Variants in SNX8 observed in about 807,000 individuals in gnomAD.
SNX8 encodes sorting nexin-8.
In SNX8, 25 loss-of-function variants were observed where a neutral mutation model predicts 51.6. The ratio of observed to expected loss-of-function variants is 0.48; its 90% CI spans 0.35 to 0.68. The LOEUF is 0.68. Ranked by LOEUF, SNX8 falls within the 30% of genes least tolerant of loss-of-function variation. SNX8 has a pLI of 0.00. For missense variants in SNX8, 695 were observed against 624.0 expected (o/e 1.11, Z -1.21); for synonymous variants, 324 against 277.0 (o/e 1.17, Z -1.68).
intron 1 of SNX8, among the ~76,000 whole-genome samples, chr7:2,349,531 C>T (rs923290047): frequency 1.8e-4 from 27 of 146,954 alleles, no homozygotes; most frequent in African/African-American, 5.5e-4. Flanking sequence ...ATCTCTACCC[C>T]CACCCCATGT....
intron 1 of SNX8, among the ~76,000 whole-genome samples, chr7:2,308,790 T>G (rs1188384286): frequency 6.7e-6 from 1 of 149,662 alleles, no homozygotes. Context: ...ATTTTTTTTT[T>G]TTTTTTTTTT....
intron 1 of SNX8, among the ~76,000 whole-genome samples, chr7:2,341,414 G>A (rs566753481): frequency 1.9e-4 from 28 of 151,338 alleles, no homozygotes; most frequent in Admixed American, 1.3e-3. Flanking sequence ...CAGGAGAATC[G>A]CTAGAACCCA....
chr7:2,259,699 A>G (rs1422562068), intron 7 of SNX8, among the ~76,000 whole-genome samples: 2 of 151,968 alleles, frequency 1.3e-5, no homozygotes, highest in Admixed American at 6.6e-5. Flanking sequence ...AGTTTCTAAA[A>G]CTCTAGAGAG....
intron 7 of SNX8, among the ~76,000 whole-genome samples, chr7:2,262,082 G>A (rs140437410): frequency 2.8e-4 from 42 of 152,298 alleles, no homozygotes; most frequent in African/African-American, 9.1e-4. Context: ...CTGTCGCCCA[G>A]GCTGGTGTGC....
chr7:2,311,373 C>T lies in SNX8; in HGVS notation c.94+2955G>A, dbSNP rs113987140. ...TTCAGAGACTTAACTTTTTTCTTTG[C>T]TGTTTTTGTTTTTGTTTTCTTTTTT... is the stretch of plus-strand genomic sequence containing the variant. On this transcript the variant is annotated intron_variant, in intron 1 of 10. Coordinates refer to ENST00000222990, the MANE Select transcript of SNX8 (RefSeq NM_013321.4). 9.3e-3 allele frequency among the ~76,000 whole-genome samples: 1,422 copies of T among 152,278 alleles called. 19 individuals carry two copies. The highest frequency in any genetic ancestry group is 0.032 in the African/African-American group (1,339 of 41,554).
intron 9 of SNX8, 136 bp downstream of exon 9, chr7:2,257,229 T>C: frequency 8.4e-7 from 1 of 1,195,966 alleles, no homozygotes; most frequent in Non-Finnish European, 1.1e-6. Flanking sequence ...GCCAGCTCCC[T>C]GCCTCCACTG....
intron 1 of SNX8, among the ~76,000 whole-genome samples, chr7:2,353,811 T>A (rs1365517386): frequency 6.6e-6 from 1 of 152,122 alleles, no homozygotes; most frequent in Non-Finnish European, 1.5e-5. Context: ...GGTGGTGCTA[T>A]GTTGGCAAGG....
chr7:2,270,774 A>C (rs1030210650), intron 4 of SNX8, among the ~76,000 whole-genome samples: 1 of 152,070 alleles, frequency 6.6e-6, no homozygotes, highest in African/African-American at 2.4e-5. Context: ...ACGAAGACAA[A>C]AGGAACCAAG....
chr7:2,305,607 G>A (rs1028920654), intron 1 of SNX8, among the ~76,000 whole-genome samples: 1 of 151,930 alleles, frequency 6.6e-6, no homozygotes, highest in African/African-American at 2.4e-5. Context: ...CAGGTGATCC[G>A]CCTGCCTCGG....
In SNX8 at chr7:2,252,922, C is replaced by T; in HGVS notation, c.*2134G>A. 8.9e-6 allele frequency: 1 copy of T among 112,350 alleles called. No homozygotes were observed. The highest frequency in any genetic ancestry group is 1.8e-5 in the Non-Finnish European group (1 of 54,572). 7.0% of individuals were successfully genotyped at this position (112,350 alleles called of 1,614,324 possible). A position where few individuals can be genotyped will look rare whatever the true frequency, so the allele number is the denominator to read the frequency against. ...TCACCCCTGCCCTCCTGTCCCAACG[C>T]CTGCCCTCCTGCTCCCCCTCATCCC... is the stretch of plus-strand genomic sequence containing the variant. On this transcript the variant is annotated 3_prime_UTR_variant, in exon 11 of 11. Transcript: ENST00000222990.
At chr7:2,314,456 C>G (rs1796721801), upstream of SNX8, 1 of 1,200,912 alleles carries the variant, frequency 8.3e-7, no homozygotes, top group Non-Finnish European at 1.0e-6. Context: ...TCCTCCCGCG[C>G]CACCCGGCCG....
chr7:2,289,793 C>T (rs904015512), intron 1 of SNX8, among the ~76,000 whole-genome samples: 2 of 152,202 alleles, frequency 1.3e-5, no homozygotes, highest in Admixed American at 6.6e-5. Flanking sequence ...CACCGTGGCA[C>T]GCACCTATAG....
intron 1 of SNX8, among the ~76,000 whole-genome samples, chr7:2,301,437 G>A (rs957001414): frequency 2.0e-5 from 3 of 152,226 alleles, no homozygotes; most frequent in Non-Finnish European, 4.4e-5. Flanking sequence ...GATGGTGTTA[G>A]CAACTTTTAT....
At position 2,339,461 on chromosome 7, in the gene SNX8, G is replaced by A. The variant is rs536918788; in HGVS notation, c.-66+14761C>T. Among the ~76,000 whole-genome samples the A allele has an allele frequency of 1.6e-4, 24 of 149,096 alleles. No homozygotes were observed. In the South Asian group the frequency reaches 4.3e-3, roughly 26 times the overall value. On this transcript the variant is annotated intron_variant, in intron 1 of 5. Coordinates refer to the SNX8 transcript ENST00000435336. ...CCTGACCTCATGATCCACCCACCCT[G>A]GCCTCCCAAAGTGCTGGGAGAAAAT...
chr7:2,279,240 G>A (rs1192313360), intron 1 of SNX8, among the ~76,000 whole-genome samples: 2 of 118,596 alleles, frequency 1.7e-5, no homozygotes, highest in Admixed American at 8.8e-5. Flanking sequence ...CGGAGTCGAC[G>A]CCGGACTCAC....
Position 2,255,518 on chromosome 7 carries a change from C to T in SNX8, c.1285-349G>A, listed in dbSNP as rs1411825764. On this transcript the variant is annotated intron_variant, in intron 10 of 10. Coordinates refer to ENST00000222990, the MANE Select transcript of SNX8 (RefSeq NM_013321.4). ...GTGCGGGCACTGGCCTCATGGAAGC[C>T]TTGGCAGGTCAAACACCAAGGCCAG... Among the ~76,000 whole-genome samples the T allele has an allele frequency of 2.6e-5, 4 of 152,314 alleles. No homozygotes were observed. The South Asian group carries it at 8.3e-4, about 32-fold the overall frequency.
intron 1 of SNX8, among the ~76,000 whole-genome samples, chr7:2,335,207 G>GA (rs58895809): frequency 1.0e-3 from 150 of 148,770 alleles, no homozygotes; most frequent in African/African-American, 3.4e-3. Flanking sequence ...AAAGAAAAAA[G>GA]AAAAAAAAAA....
rs1161428311 is a variant in SNX8 at position 2,268,182 on chromosome 7, G to A, written c.621+1377C>T. 1.9e-4 allele frequency among the ~76,000 whole-genome samples: 25 copies of A among 133,678 alleles called. No individual in the cohort carries two copies. The South Asian group carries it at 3.0e-3, about 16-fold the overall frequency. 87.7% of individuals were successfully genotyped at this position (133,678 alleles called of 152,430 possible). On this transcript the variant is annotated intron_variant, in intron 5 of 10. Coordinates refer to ENST00000222990, the MANE Select transcript of SNX8 (RefSeq NM_013321.4). ...GGGAGGTGGGGGGCGTCAGCCCTCC[G>A]CCCGGCCAGCCGCCCCATCTGGGAT... is the stretch of plus-strand genomic sequence containing the variant.
chr7:2,337,455 A>C (rs559894181), intron 1 of SNX8, among the ~76,000 whole-genome samples: 1 of 151,906 alleles, frequency 6.6e-6, no homozygotes, highest in Admixed American at 6.6e-5. Context: ...TCACAAAACA[A>C]AACAAAAGTC....
Sources: gnomAD v4.1 joint callset for allele counts (sites outside exome capture counted in the v4.1 genomes callset) on GRCh38, gnomAD v4.1.1 for gene constraint, MANE v1.5 for transcripts, NCBI Gene and HGNC (gene_info 2026-07-23, HGNC 2026-07-21) for gene names.